The following SORL1 variants were observed in gnomAD, a reference collection of about 807,000 sequenced individuals.
The protein encoded by SORL1 is sortilin related receptor 1, also known as sortilin-related receptor.
In SORL1, 127 loss-of-function variants were observed where a neutral mutation model predicts 273.7. That is an observed-to-expected ratio of 0.46 (90% CI 0.40 to 0.54). The LOEUF is 0.54. Among genes scored for constraint, SORL1 ranks in the 20% least tolerant of loss-of-function variants. The pLI, the probability that SORL1 is intolerant of heterozygous loss-of-function variation, is 0.00. For synonymous variants in SORL1, 1,031 were observed against 1,067.4 expected (o/e 0.97, Z 0.66); for missense variants, 2,494 against 2,846.1 (o/e 0.88, Z 2.81).
chr11:121,615,143 T>C, intron 41 of SORL1, 88 bp downstream of exon 41: 1 of 1,139,658 alleles, frequency 8.8e-7, no homozygotes, highest in Non-Finnish European at 1.2e-6. Context: ...TTTTCTCTCT[T>C]TTGCAAATGT....
chr11:121,603,316 T>C (rs12287339), intron 32 of SORL1, among the ~76,000 whole-genome samples: 9,163 of 152,264 alleles, frequency 0.06, 481 homozygotes, highest in East Asian at 0.21. Flanking sequence ...TGTGAATCTG[T>C]ATAAGGAAGG....
At chr11:121,501,221 TGA>T (rs998306580) in intron 6 of SORL1, among the ~76,000 whole-genome samples, 3 of 152,256 alleles carry the variant, frequency 2.0e-5, no homozygotes, top group Non-Finnish European at 4.4e-5. Flanking sequence ...ACAACTGTGT[TGA>T]GATACAATTC....
chr11:121,598,027 G>A (rs933924531), intron 32 of SORL1, among the ~76,000 whole-genome samples: 1 of 152,222 alleles, frequency 6.6e-6, no homozygotes, highest in African/African-American at 2.4e-5. Context: ...GACCTGTAGA[G>A]TGGCTGTGGG....
chr11:121,517,819 G>A (rs748660492), intron 8 of SORL1, among the ~76,000 whole-genome samples: 1 of 152,232 alleles, frequency 6.6e-6, no homozygotes, highest in Non-Finnish European at 1.5e-5. Flanking sequence ...ATTATACTCA[G>A]TTGAGTGATG....
intron 3 of SORL1, among the ~76,000 whole-genome samples, chr11:121,484,207 A>G (rs185032731): frequency 6.6e-6 from 1 of 152,320 alleles, no homozygotes; most frequent in Admixed American, 6.5e-5. Context: ...TTCTGGCAAT[A>G]TTCTTGACTT....
intron 16 of SORL1, among the ~76,000 whole-genome samples, chr11:121,553,320 A>G (rs1482176765): frequency 1.3e-5 from 2 of 152,254 alleles, no homozygotes; most frequent in Non-Finnish European, 2.9e-5. Flanking sequence ...CACAATATGT[A>G]CACAATTTAT....
intron 37 of SORL1, 66 bp downstream of exon 37, chr11:121,607,356 T>A (rs1160866745): frequency 6.9e-6 from 6 of 872,204 alleles, no homozygotes; most frequent in Non-Finnish European, 9.5e-6. Context: ...GCTGCTGTTT[T>A]GTGAGAACTC....
At chr11:121,478,499 A>G (rs916698598) in intron 3 of SORL1, among the ~76,000 whole-genome samples, 1 of 152,218 alleles carries the variant, frequency 6.6e-6, no homozygotes, top group Non-Finnish European at 1.5e-5. Flanking sequence ...ACCACAGAAA[A>G]TCAGCCAACT....
chr11:121,572,585 G>A (rs553627814), intron 23 of SORL1, among the ~76,000 whole-genome samples: 10 of 152,302 alleles, frequency 6.6e-5, no homozygotes, highest in Admixed American at 3.3e-4. Flanking sequence ...AGGAGGTTGC[G>A]TGTGGAGGAG....
chr11:121,526,995 T>C (rs1328237687), intron 11 of SORL1, among the ~76,000 whole-genome samples: 1 of 152,074 alleles, frequency 6.6e-6, no homozygotes, highest in African/African-American at 2.4e-5. Context: ...CTCCATTTTC[T>C]CCCTTCTGAT....
At chr11:121,607,126 T>C (rs2134926299) in intron 36 of SORL1, 60 bp from the exon 37 acceptor site, 1 of 1,161,340 alleles carries the variant, frequency 8.6e-7, no homozygotes, top group Non-Finnish European at 1.3e-6. Flanking sequence ...CCTTGCAAGA[T>C]ATTAGGATGC....
chr11:121,513,297 C>G (rs896234167), intron 7 of SORL1, among the ~76,000 whole-genome samples, 193 bp downstream of exon 7: 1 of 152,130 alleles, frequency 6.6e-6, no homozygotes, highest in East Asian at 1.9e-4. Context: ...CAGAGCTGAA[C>G]GAGAGACTTA....
Position 121,602,706 on chromosome 11 carries a change from A to G in SORL1, c.4520-1487A>G, listed in dbSNP as rs1469809700. 2.6e-5 allele frequency among the ~76,000 whole-genome samples: 4 copies of G among 152,304 alleles called. No individual in the cohort carries two copies. In the East Asian group the frequency reaches 5.8e-4, roughly 22 times the overall value. ...ATGAAGCTTCCTTGCTCAGGTCACA[A>G]TGCTCATATCACCTTTAACATAACT... On this transcript the variant is annotated intron_variant, in intron 32 of 47. Transcript: ENST00000260197.
intron 9 of SORL1, 47 bp from the exon 10 acceptor site, chr11:121,522,539 A>G (rs765565037): frequency 7.3e-7 from 1 of 1,379,112 alleles, no homozygotes. Flanking sequence ...AGGGAACGCT[A>G]GGCATGGTAT....
At position 121,502,058 on chromosome 11, in the gene SORL1, G is replaced by A. The variant is rs1450878025; in HGVS notation, c.939+5009G>A. On this transcript the variant is annotated intron_variant, in intron 6 of 47. Transcript: ENST00000260197. ...TGAATGTTCGTGTGCACGTTTGTGT[G>A]TGAACTTATGTTTTAATTCTGTTAG... 2.0e-5 allele frequency among the ~76,000 whole-genome samples: 3 copies of A among 147,694 alleles called. No homozygotes were observed. In the Admixed American group the frequency reaches 2.0e-4, roughly 10 times the overall value.
chr11:121,454,634 T>A (rs372211756), intron 1 of SORL1, among the ~76,000 whole-genome samples: 5 of 152,328 alleles, frequency 3.3e-5, no homozygotes, highest in Admixed American at 2.6e-4. Context: ...TATGCCATTG[T>A]TGCCTCTTGC....
intron 23 of SORL1, 56 bp downstream of exon 23, chr11:121,570,326 C>A: frequency 7.2e-7 from 1 of 1,379,504 alleles, no homozygotes; most frequent in Non-Finnish European, 1.0e-6. Context: ...GCCTGGTTGG[C>A]TCTTCCCAGG....
At chr11:121,569,372 C>T (rs1024112662) in intron 22 of SORL1, among the ~76,000 whole-genome samples, 3 of 152,184 alleles carry the variant, frequency 2.0e-5, no homozygotes, top group Admixed American at 1.3e-4. Flanking sequence ...CTCTGACTGC[C>T]GGTGAGCCGG....
At chr11:121,480,108 G>A (rs1861349593) in intron 3 of SORL1, among the ~76,000 whole-genome samples, 1 of 152,106 alleles carries the variant, frequency 6.6e-6, no homozygotes, top group South Asian at 2.1e-4. Flanking sequence ...ATCCATATGC[G>A]CCCCGCCTCT....
Sources: gnomAD v4.1 joint callset for allele counts (sites outside exome capture counted in the v4.1 genomes callset) on GRCh38, gnomAD v4.1.1 for gene constraint, MANE v1.5 for transcripts, NCBI Gene and HGNC (gene_info 2026-07-23, HGNC 2026-07-21) for gene names.